EFHD1: variants seen among roughly 807,000 people sequenced by gnomAD.
EFHD1 encodes the protein EF-hand domain family member D1.
EFHD1 carries 10 observed loss-of-function variants against 17.2 expected under a neutral mutation model. The ratio of observed to expected loss-of-function variants is 0.58; its 90% CI spans 0.36 to 0.99. EFHD1 has a LOEUF of 0.99. EFHD1 is among the 50% of genes least tolerant of loss of function. EFHD1 has a pLI of 0.01. For synonymous variants in EFHD1, 153 were observed against 142.0 expected, an observed-to-expected ratio of 1.08 and a Z score of -0.55; for missense variants, 310 against 327.5, an observed-to-expected ratio of 0.95 and a Z score of 0.41.
chr2:232,676,656 A>C (rs1695178526), intron 3 of EFHD1, among the ~76,000 whole-genome samples: 1 of 152,192 alleles, frequency 6.6e-6, no homozygotes, highest in South Asian at 2.1e-4. Flanking sequence ...TGGGCACCTC[A>C]CAACATAGAC....
At chr2:232,664,138 C>CATTT (rs999431330) in intron 2 of EFHD1, among the ~76,000 whole-genome samples, 4 of 150,920 alleles carry the variant, frequency 2.7e-5, no homozygotes, top group South Asian at 2.1e-4. Context: ...ATTGTTTATT[C>CATTT]ATTTATTTAT....
At chr2:232,681,074 T>C (rs1695273486) in intron 3 of EFHD1, among the ~76,000 whole-genome samples, 1 of 151,974 alleles carries the variant, frequency 6.6e-6, no homozygotes, top group East Asian at 2.0e-4. Flanking sequence ...AAGAACTGCT[T>C]GAACCTGGGA....
chr2:232,617,902 T>G (rs1693957138), intron 1 of EFHD1, among the ~76,000 whole-genome samples: 1 of 139,902 alleles, frequency 7.1e-6, no homozygotes, highest in South Asian at 2.3e-4. Context: ...TGAGCCAAGA[T>G]CGTGCCACGG....
At chr2:232,621,671 C>T (rs1007407773) in intron 1 of EFHD1, among the ~76,000 whole-genome samples, 7 of 152,104 alleles carry the variant, frequency 4.6e-5, no homozygotes, top group Non-Finnish European at 1.0e-4. Context: ...AGGCTGGTCT[C>T]GAACTCCTGA....
intron 1 of EFHD1, among the ~76,000 whole-genome samples, chr2:232,644,744 G>A (rs1344315844): frequency 6.6e-6 from 1 of 151,056 alleles, no homozygotes; most frequent in Non-Finnish European, 1.5e-5. Context: ...CACCTGTCTT[G>A]GCCTCCCAAA....
At chr2:232,654,201 C>T (rs1443394560) in intron 1 of EFHD1, among the ~76,000 whole-genome samples, 2 of 138,796 alleles carry the variant, frequency 1.4e-5, no homozygotes, top group African/African-American at 5.3e-5. Context: ...AGCGAGACTC[C>T]ATCTCAAAAA....
chr2:232,618,722 C>CAAAAA (rs113391241), intron 1 of EFHD1, among the ~76,000 whole-genome samples: 5 of 134,164 alleles, frequency 3.7e-5, no homozygotes, highest in Non-Finnish European at 6.4e-5. Flanking sequence ...GACTCTGTCT[C>CAAAAA]AAAAAAAAAA....
chr2:232,671,560 T>C (rs1014896426), intron 2 of EFHD1, among the ~76,000 whole-genome samples: 3 of 150,984 alleles, frequency 2.0e-5, no homozygotes, highest in African/African-American at 7.3e-5. Flanking sequence ...ACCCCGTCTC[T>C]ACTAAAATAC....
chr2:232,625,059 T>C (rs1176859603), intron 1 of EFHD1, among the ~76,000 whole-genome samples: 1 of 152,220 alleles, frequency 6.6e-6, no homozygotes, highest in Non-Finnish European at 1.5e-5. Context: ...GTTGACTATC[T>C]GTTTCCCCCA....
chr2:232,648,829 A>G (rs1299008678), intron 1 of EFHD1, among the ~76,000 whole-genome samples: 1 of 152,100 alleles, frequency 6.6e-6, no homozygotes, highest in Non-Finnish European at 1.5e-5. Flanking sequence ...CTGGCTGTTG[A>G]AAAAGGCAAT....
chr2:232,613,484 C>G (rs1693844518), intron 1 of EFHD1, among the ~76,000 whole-genome samples: 1 of 152,026 alleles, frequency 6.6e-6, no homozygotes, highest in South Asian at 2.1e-4. Context: ...TCCACAGCAG[C>G]TTTACTAGTA....
chr2:232,677,440 C>A (rs190846679), intron 3 of EFHD1, among the ~76,000 whole-genome samples: 58 of 151,654 alleles, frequency 3.8e-4, no homozygotes, highest in African/African-American at 1.2e-3. Context: ...AGCATCCAGG[C>A]CTGGTGCAGT....
intron 1 of EFHD1, among the ~76,000 whole-genome samples, chr2:232,648,736 G>A (rs1456634613): frequency 6.6e-6 from 1 of 152,054 alleles, no homozygotes; most frequent in African/African-American, 2.4e-5. Context: ...TAGGGGTCTC[G>A]GTAGAACTTG....
chr2:232,621,218 G>C (rs376047629), intron 1 of EFHD1, among the ~76,000 whole-genome samples: 1 of 152,064 alleles, frequency 6.6e-6, no homozygotes, highest in East Asian at 1.9e-4. Flanking sequence ...GCTGTAAGGC[G>C]CTCCCTCCAA....
chr2:232,671,985 G>A (rs1018063635), intron 2 of EFHD1, among the ~76,000 whole-genome samples: 3 of 151,694 alleles, frequency 2.0e-5, no homozygotes, highest in African/African-American at 7.3e-5. Flanking sequence ...TGAGCCCAGA[G>A]GCAGAGGTTG....
chr2:232,640,396 TG>T (rs1559344947), intron 1 of EFHD1, among the ~76,000 whole-genome samples: 1 of 152,204 alleles, frequency 6.6e-6, no homozygotes, highest in Non-Finnish European at 1.5e-5. Flanking sequence ...TTCCCAGCTC[TG>T]GGCTTCTGTG....
At position 232,669,657 on chromosome 2, in the gene EFHD1, A is replaced by G. The variant is rs569766710; in HGVS notation, c.451-2652A>G. Among the ~76,000 whole-genome samples, 15 of 150,154 alleles carry G rather than the reference A, an allele frequency of 1.0e-4. No individual in the cohort carries two copies. The South Asian group carries it at 1.1e-3, about 11-fold the overall frequency. On this transcript the variant is annotated intron_variant, in intron 2 of 3. Coordinates refer to ENST00000264059, the MANE Select transcript of EFHD1 (RefSeq NM_025202.4). ...GCTCTGTAGCCCAGGCTGGAGTGCA[A>G]TGGTACGACCTCGGCTCACTGCAAC... is the stretch of plus-strand genomic sequence containing the variant.
At chr2:232,651,477 G>A (rs1694653029) in intron 1 of EFHD1, among the ~76,000 whole-genome samples, 2 of 152,178 alleles carry the variant, frequency 1.3e-5, no homozygotes, top group Admixed American at 1.3e-4. Context: ...CAGTTGCTTG[G>A]AGAACCTTCT....
chr2:232,641,317 G>A (rs986355960), intron 1 of EFHD1, among the ~76,000 whole-genome samples: 1 of 152,170 alleles, frequency 6.6e-6, no homozygotes, highest in East Asian at 1.9e-4. Flanking sequence ...ACAGGCATGA[G>A]CCACCGCACC....
Sources: allele counts gnomAD v4.1 joint callset (sites outside exome capture counted in the v4.1 genomes callset), GRCh38; gene constraint gnomAD v4.1.1; transcripts MANE v1.5; gene names NCBI Gene and HGNC (gene_info 2026-07-23, HGNC 2026-07-21).